Variants in NTRK2 observed in about 807,000 individuals in gnomAD.
The protein encoded by NTRK2 is neurotrophic receptor tyrosine kinase 2.
In NTRK2, 13 loss-of-function variants were observed where a neutral mutation model predicts 94.5. The observed-to-expected ratio is 0.14, with a 90% CI of 0.09 to 0.22. The LOEUF (loss-of-function observed/expected upper bound fraction) is 0.22. NTRK2 is among the 10% of genes least tolerant of loss of function. The pLI is 1.00. For missense variants in NTRK2, 639 were observed against 1,071.2 expected (o/e 0.60, Z 5.63); for synonymous variants, 372 against 407.4 (o/e 0.91, Z 1.05).
intron 17 of NTRK2, among the ~76,000 whole-genome samples, chr9:85,006,621 G>A (rs1437903027): frequency 6.7e-6 from 1 of 149,780 alleles, no homozygotes; most frequent in Non-Finnish European, 1.5e-5. Flanking sequence ...CCTGGGGACA[G>A]GGCACCCAGT....
chr9:85,023,772 T>C lies in NTRK2; in HGVS notation c.*2335T>C, dbSNP rs547915286. 1 of 230,794 alleles carries C rather than the reference T, an allele frequency of 4.3e-6. No individual in the cohort carries two copies. 14.3% of individuals were successfully genotyped at this position (230,794 alleles called of 1,614,324 possible). A position where few individuals can be genotyped will look rare whatever the true frequency, so the allele number is the denominator to read the frequency against. ...AGGGGCAGATTTGTACAAAAACTTT[T>C]CTAGATTCCATCAGCAAAAACCAAC... On this transcript the variant is annotated 3_prime_UTR_variant, in exon 19 of 19. Transcript: ENST00000277120.
At chr9:84,818,256 T>A (rs530176144) in intron 12 of NTRK2, among the ~76,000 whole-genome samples, 8 of 152,250 alleles carry the variant, frequency 5.3e-5, no homozygotes, top group Admixed American at 3.3e-4. Context: ...TGGTGCTCCG[T>A]ATGTGAACTG....
intron 14 of NTRK2, among the ~76,000 whole-genome samples, chr9:84,925,083 G>A (rs2077708779): frequency 1.3e-5 from 2 of 152,056 alleles, no homozygotes; most frequent in Admixed American, 6.5e-5. Flanking sequence ...TTAGCTCACT[G>A]AAAATCTCTC....
At chr9:84,679,187 C>G (rs2059244121) in intron 2 of NTRK2, among the ~76,000 whole-genome samples, 3 of 152,184 alleles carry the variant, frequency 2.0e-5, no homozygotes, top group Non-Finnish European at 1.5e-5. Flanking sequence ...ATTACCCAGT[C>G]TAAGATATTT....
At chr9:84,708,036 C>T (rs956991802) in intron 5 of NTRK2, 124 bp downstream of exon 5, 3 of 781,532 alleles carry the variant, frequency 3.8e-6, no homozygotes, top group East Asian at 5.1e-5. Context: ...AAAATGATTT[C>T]TCAAGTTTCA....
At chr9:84,872,594 G>C in intron 14 of NTRK2, 1 of 1,061,772 alleles carries the variant, frequency 9.4e-7, no homozygotes, top group Non-Finnish European at 1.1e-6. Context: ...GGCATGTAAA[G>C]TATTCTGACT....
intron 9 of NTRK2, among the ~76,000 whole-genome samples, chr9:84,739,477 G>C (rs533223877): frequency 1.3e-5 from 2 of 152,160 alleles, no homozygotes; most frequent in African/African-American, 4.8e-5. Context: ...TAGGGGCTTC[G>C]TGTGGGTAGT....
intron 12 of NTRK2, among the ~76,000 whole-genome samples, chr9:84,854,862 G>T (rs2074981413): frequency 7.4e-6 from 1 of 134,812 alleles, no homozygotes. Context: ...CAGGAGAATT[G>T]CTTAAACCCA....
intron 6 of NTRK2, among the ~76,000 whole-genome samples, chr9:84,720,869 G>A (rs1393962438): frequency 6.6e-6 from 1 of 152,010 alleles, no homozygotes; most frequent in African/African-American, 2.4e-5. Flanking sequence ...CCTTAAAAGG[G>A]GGCTTTAAAG....
intron 9 of NTRK2, among the ~76,000 whole-genome samples, chr9:84,730,762 T>TAAA (rs2062809225): frequency 1.5e-4 from 1 of 6,638 alleles, no homozygotes; most frequent in African/African-American, 7.0e-4. Flanking sequence ...AAAAAAAAAC[T>TAAA]AAAGAAAAAT....
chr9:84,791,454 C>G (rs981804108), intron 12 of NTRK2, among the ~76,000 whole-genome samples: 1 of 152,092 alleles, frequency 6.6e-6, no homozygotes, highest in Non-Finnish European at 1.5e-5. Flanking sequence ...CAGAAGCTAA[C>G]AGAACCCGCA....
chr9:84,991,692 T>A (rs540990572), intron 17 of NTRK2, among the ~76,000 whole-genome samples: 2 of 152,152 alleles, frequency 1.3e-5, no homozygotes, highest in South Asian at 4.2e-4. Flanking sequence ...AGCTGGTGAT[T>A]TCGGAAGAAG....
chr9:84,730,761 C>A (rs1346033665), intron 9 of NTRK2, among the ~76,000 whole-genome samples: 278 of 10,058 alleles, frequency 0.028, no homozygotes, highest in East Asian at 0.033. Flanking sequence ...AAAAAAAAAA[C>A]TAAAGAAAAA....
chr9:84,979,690 T>C (rs1166125455), intron 17 of NTRK2, among the ~76,000 whole-genome samples: 1 of 152,226 alleles, frequency 6.6e-6, no homozygotes, highest in Non-Finnish European at 1.5e-5. Context: ...GCATTACATA[T>C]TACAGAGAAA....
intron 12 of NTRK2, among the ~76,000 whole-genome samples, chr9:84,771,185 T>A (rs138904194): frequency 1.7e-4 from 26 of 152,348 alleles, no homozygotes; most frequent in African/African-American, 5.3e-4. Flanking sequence ...CACAAAATTA[T>A]TCAGCAGGTG....
At chr9:84,853,157 G>A (rs183540275) in intron 12 of NTRK2, among the ~76,000 whole-genome samples, 240 of 152,192 alleles carry the variant, frequency 1.6e-3, no homozygotes, top group African/African-American at 5.6e-3. Context: ...CCCAGGCTCA[G>A]GAAAGCTATA....
chr9:84,918,104 C>T (rs552802492), intron 14 of NTRK2, among the ~76,000 whole-genome samples: 5 of 152,292 alleles, frequency 3.3e-5, no homozygotes, highest in Admixed American at 1.3e-4. Context: ...AATACAATCA[C>T]GTCTGTGAAC....
intron 17 of NTRK2, among the ~76,000 whole-genome samples, chr9:85,002,214 G>T (rs1830412364): frequency 6.6e-6 from 1 of 152,124 alleles, no homozygotes; most frequent in African/African-American, 2.4e-5. Context: ...ACCCCCTACT[G>T]CCCTGGGTGA....
At chr9:84,909,792 T>A (rs77964006) in intron 14 of NTRK2, among the ~76,000 whole-genome samples, 1,541 of 152,304 alleles carry the variant, frequency 0.01, 31 homozygotes, top group African/African-American at 0.035. Flanking sequence ...TCTTTAACAA[T>A]TCAGTTTTGA....
Sources: gnomAD v4.1 joint callset for allele counts (sites outside exome capture counted in the v4.1 genomes callset) on GRCh38, gnomAD v4.1.1 for gene constraint, MANE v1.5 for transcripts, NCBI Gene and HGNC (gene_info 2026-07-23, HGNC 2026-07-21) for gene names.